The following ARHGEF16 variants were observed in gnomAD, a reference collection of about 807,000 sequenced individuals.
The protein encoded by ARHGEF16 is Rho guanine exchange factor (GEF) 16.
In ARHGEF16, 59 loss-of-function variants were observed where a neutral mutation model predicts 74.1. The ratio of observed to expected loss-of-function variants is 0.80; its 90% CI spans 0.65 to 0.99. The LOEUF (loss-of-function observed/expected upper bound fraction) is 0.99, where lower values mean the gene tolerates loss of function less well. ARHGEF16 is among the 50% of genes least tolerant of loss of function. The pLI, the probability that ARHGEF16 is intolerant of heterozygous loss-of-function variation, is 0.00. For synonymous variants in ARHGEF16, 415 were observed against 412.6 expected (o/e 1.01, Z -0.07); for missense variants, 948 against 986.6 (o/e 0.96, Z 0.52).
At chr1:3,477,115 C>T (rs969396259) in intron 10 of ARHGEF16, among the ~76,000 whole-genome samples, 9 of 151,610 alleles carry the variant, frequency 5.9e-5, no homozygotes, top group African/African-American at 4.9e-5. Flanking sequence ...TGGCAGAGGC[C>T]GGGAGCGGGA....
Position 3,481,071 on chromosome 1 carries a change from C to T in ARHGEF16, c.*484C>T, listed in dbSNP as rs1423217966. On this transcript the variant is annotated 3_prime_UTR_variant, in exon 15 of 15. Transcript: ENST00000378378. ...GGGAGGGGACCCGGCAGGGAGATTTCGGTTTTGAGGTTTCTAAATACATTA... is the reference window on the plus strand; with the variant it reads ...GGGAGGGGACCCGGCAGGGAGATTTTGGTTTTGAGGTTTCTAAATACATTA... 6.3e-5 allele frequency: 10 copies of T among 158,448 alleles called. No individual in the cohort carries two copies. The highest frequency in any genetic ancestry group is 1.4e-4 in the African/African-American group (6 of 41,644). The allele number at this position is 158,448 out of a possible 1,614,324, so 9.8% of individuals were successfully genotyped here. A position where few individuals can be genotyped will look rare whatever the true frequency, so the allele number is the denominator to read the frequency against.
Position 3,466,145 on chromosome 1 carries a change from C to T in ARHGEF16, c.589-3C>T. 5.8e-6 allele frequency: 9 copies of T among 1,548,228 alleles called. No individual in the cohort carries two copies. Among genetic ancestry groups the T allele is most frequent in the African/African-American group, 1.4e-5 (1 of 72,982 alleles). On this transcript the variant is annotated splice_region_variant and splice_polypyrimidine_tract_variant and intron_variant, in intron 2 of 14. Transcript: ENST00000378378. ...GCGGTTTCTGTGTCTCTCTTTTGTGCAGAAGACGCTGGGGAGGAAACGTGG... is the reference window on the plus strand; with the variant it reads ...GCGGTTTCTGTGTCTCTCTTTTGTGTAGAAGACGCTGGGGAGGAAACGTGG...
At chr1:3,457,524 A>T (rs952647387) in intron 1 of ARHGEF16, among the ~76,000 whole-genome samples, 14 of 152,240 alleles carry the variant, frequency 9.2e-5, no homozygotes, top group Non-Finnish European at 1.9e-4. Flanking sequence ...TGCTGGAGGC[A>T]CGGGGCTGGC....
At chr1:3,477,233 A>G (rs1639904934) in intron 10 of ARHGEF16, among the ~76,000 whole-genome samples, 1 of 56,706 alleles carries the variant, frequency 1.8e-5, no homozygotes, top group African/African-American at 7.7e-5. Context: ...GCTGGTGGGC[A>G]GGCTCCTCAT....
intron 2 of ARHGEF16, among the ~76,000 whole-genome samples, chr1:3,464,997 C>G (rs1034832213): frequency 1.3e-5 from 2 of 152,218 alleles, no homozygotes; most frequent in African/African-American, 4.8e-5. Context: ...TCCTCGGTCA[C>G]AGCTCTCTCT....
At chr1:3,463,825 C>T (rs1277609975) in intron 2 of ARHGEF16, among the ~76,000 whole-genome samples, 153 bp downstream of exon 2, 3 of 152,246 alleles carry the variant, frequency 2.0e-5, no homozygotes. Context: ...TCCAGTTCAG[C>T]CCAGTCTGTG....
In ARHGEF16 at chr1:3,478,289, G is replaced by T. The variant is rs1291078180; in HGVS notation, c.1626-135G>T. ...AGCCATGGCCTCTGTTCTGTGGGAC[G>T]CGGGAACTCTTGGAGCCCGTCCGTG... On this transcript the variant is annotated intron_variant, in intron 11 of 14. Coordinates refer to ENST00000378378, the MANE Select transcript of ARHGEF16 (RefSeq NM_014448.4). 25 of 1,048,822 alleles carry T rather than the reference G, an allele frequency of 2.4e-5. No homozygotes were observed. The South Asian group carries it at 3.0e-4, about 12-fold the overall frequency. 65.0% of individuals were successfully genotyped at this position (1,048,822 alleles called of 1,614,324 possible). A position where few individuals can be genotyped will look rare whatever the true frequency, so the allele number is the denominator to read the frequency against.
intron 5 of ARHGEF16, among the ~76,000 whole-genome samples, 199 bp from the exon 6 acceptor site, chr1:3,469,234 C>G (rs913623833): frequency 8.5e-5 from 13 of 152,194 alleles, no homozygotes; most frequent in African/African-American, 2.9e-4. Context: ...CATAAGGCAC[C>G]CAGCCAGGGG....
chr1:3,480,676 C>G lies in ARHGEF16; in HGVS notation c.*89C>G, dbSNP rs1640034060. 1 of 1,507,004 alleles carries G rather than the reference C, an allele frequency of 6.6e-7. No individual in the cohort carries two copies. The highest frequency in any genetic ancestry group is 8.9e-7 in the Non-Finnish European group (1 of 1,124,668). 93.4% of individuals were successfully genotyped at this position (1,507,004 alleles called of 1,614,324 possible). On this transcript the variant is annotated 3_prime_UTR_variant, in exon 15 of 15. Transcript: ENST00000378378. ...TCTAGAGAGCGTGGGGAGCTGGTCT[C>G]AAGGACCCAGCATGGTTCCCTGGGG...
chr1:3,458,320 G>A (rs1461623257), intron 1 of ARHGEF16, among the ~76,000 whole-genome samples: 3 of 152,192 alleles, frequency 2.0e-5, no homozygotes, highest in Non-Finnish European at 4.4e-5. Context: ...CTTTGCTGGG[G>A]AGCAGATCTG....
chr1:3,480,488 A>T lies in ARHGEF16; in HGVS notation c.2031A>T (p.Gly677=). 1 of 1,612,556 alleles carries T rather than the reference A, an allele frequency of 6.2e-7. No homozygotes were observed. Among genetic ancestry groups the T allele is most frequent in the Non-Finnish European group, 8.5e-7 (1 of 1,179,932 alleles). ...AGAGGCTCCGGGACGGAGAGACGGG[A>T]TGGTTCCCCGAGGACTTTGCCCGCT... ...YGERLRDGET[G]WFPEDFARFI... is the part of the protein sequence containing the mutation. The change falls in exon 15 of 15, where the codon GGA becomes GGT. Residue 677 remains glycine (G), a synonymous_variant. Transcript: ENST00000378378.
At chr1:3,474,488 G>C in intron 8 of ARHGEF16, 1 of 534,580 alleles carries the variant, frequency 1.9e-6, no homozygotes, top group East Asian at 3.0e-5. Flanking sequence ...TCCAGGCAGG[G>C]GTGCTAGCTC....
At chr1:3,460,714 C>T (rs1465042418) in intron 1 of ARHGEF16, among the ~76,000 whole-genome samples, 2 of 152,096 alleles carry the variant, frequency 1.3e-5, no homozygotes, top group Non-Finnish European at 2.9e-5. Flanking sequence ...TGCAGACCAG[C>T]GTCACTCTGG....
At chr1:3,458,140 C>G (rs947862132) in intron 1 of ARHGEF16, among the ~76,000 whole-genome samples, 1 of 152,238 alleles carries the variant, frequency 6.6e-6, no homozygotes, top group African/African-American at 2.4e-5. Flanking sequence ...CAGGCATTTG[C>G]TCTTCAGTGT....
intron 2 of ARHGEF16, among the ~76,000 whole-genome samples, chr1:3,465,571 C>A (rs9787074): frequency 3.7e-5 from 5 of 135,158 alleles, no homozygotes; most frequent in Non-Finnish European, 8.3e-5. Context: ...CAACTCGTTC[C>A]GAGAAATCAG....
rs371687244 is a variant in ARHGEF16, at chr1:3,479,525, G to T, written c.1823G>T (p.Arg608Leu). 1 of 1,612,550 alleles carries T rather than the reference G, an allele frequency of 6.2e-7. No individual in the cohort carries two copies. The highest frequency in any genetic ancestry group is 8.5e-7 in the Non-Finnish European group (1 of 1,179,868). The change falls in exon 13 of 15, where the codon CGG (arginine) becomes CTG (leucine). Residue 608 changes from arginine to leucine, a missense_variant. Arg to Leu is a moderately radical substitution (Grantham distance 102). Transcript: ENST00000378378. ...LLLSSDSASDRARWIVALTHS... is the reference protein window; with the variant it reads ...LLLSSDSASDLARWIVALTHS... ...CTGTCTCTGGTCCCCAGGAGTGACCGGGCACGGTGGATCGTGGCGCTCACA... is the reference window on the plus strand; with the variant it reads ...CTGTCTCTGGTCCCCAGGAGTGACCTGGCACGGTGGATCGTGGCGCTCACA...
In ARHGEF16 at chr1:3,459,841, G is replaced by A. The variant is rs74050507; in HGVS notation, c.-19-3225G>A. Among the ~76,000 whole-genome samples the A allele has an allele frequency of 9.9e-3, 1,506 of 152,192 alleles. 23 individuals are homozygous for A. Among genetic ancestry groups the A allele is most frequent in the African/African-American group, 0.034 (1,426 of 41,530 alleles). On this transcript the variant is annotated intron_variant, in intron 1 of 14. Coordinates refer to ENST00000378378, the MANE Select transcript of ARHGEF16 (RefSeq NM_014448.4). ...ATCGTGTGATGGGGCCAGCCGTGAT[G>A]GAGTCCTCGTCCAACAGGCAGGGAG...
intron 12 of ARHGEF16, 124 bp downstream of exon 12, chr1:3,478,736 C>T (rs1639969841): frequency 1.7e-6 from 2 of 1,143,346 alleles, no homozygotes; most frequent in Non-Finnish European, 2.4e-6. Flanking sequence ...GTGCACCTGG[C>T]CCTGCTGTAG....
At chr1:3,457,906 C>G (rs1020172955) in intron 1 of ARHGEF16, among the ~76,000 whole-genome samples, 2 of 152,192 alleles carry the variant, frequency 1.3e-5, no homozygotes, top group Non-Finnish European at 2.9e-5. Context: ...CAGGGCTCAG[C>G]CATGGGAGGT....
Sources: allele counts gnomAD v4.1 joint callset (sites outside exome capture counted in the v4.1 genomes callset), GRCh38; gene constraint gnomAD v4.1.1; transcripts MANE v1.5; gene names NCBI Gene and HGNC (gene_info 2026-07-23, HGNC 2026-07-21).